NNT: variants seen among roughly 807,000 people sequenced by gnomAD.
The protein encoded by NNT is NAD(P) transhydrogenase, mitochondrial.
Under a neutral mutation model 104.8 loss-of-function variants are expected in NNT, and 50 were observed. The observed-to-expected ratio is 0.48, with a 90% CI of 0.38 to 0.60. The LOEUF is 0.60. Among genes scored for constraint, NNT ranks in the 20% least tolerant of loss-of-function variants. NNT has a pLI of 0.00. For missense variants in NNT, 1,131 were observed against 1,330.7 expected, an observed-to-expected ratio of 0.85 and a Z score of 2.33; for synonymous variants, 461 against 490.4, an observed-to-expected ratio of 0.94 and a Z score of 0.79.
intron 14 of NNT, among the ~76,000 whole-genome samples, chr5:43,654,728 C>A (rs530842633): frequency 6.6e-6 from 1 of 152,284 alleles, no homozygotes; most frequent in South Asian, 2.1e-4. Flanking sequence ...TGCTAGCCAC[C>A]TTTATATCAG....
intron 5 of NNT, among the ~76,000 whole-genome samples, chr5:43,619,999 C>T (rs1353785009): frequency 3.3e-5 from 5 of 152,030 alleles, no homozygotes; most frequent in Non-Finnish European, 5.9e-5. Flanking sequence ...AACTCAGCCC[C>T]CCACTCCCAG....
chr5:43,620,033 G>A (rs1441997516), intron 5 of NNT, among the ~76,000 whole-genome samples: 1 of 152,066 alleles, frequency 6.6e-6, no homozygotes, highest in Non-Finnish European at 1.5e-5. Context: ...CTGTTCATGG[G>A]AGATCCACTC....
chr5:43,697,314 C>A (rs1016741448), intron 19 of NNT, among the ~76,000 whole-genome samples: 25 of 152,246 alleles, frequency 1.6e-4, no homozygotes, highest in African/African-American at 4.8e-4. Context: ...CACCTTTGCC[C>A]CAGTTCCCAA....
At chr5:43,692,663 A>T (rs1052450875) in intron 19 of NNT, among the ~76,000 whole-genome samples, 1 of 152,096 alleles carries the variant, frequency 6.6e-6, no homozygotes, top group Non-Finnish European at 1.5e-5. Context: ...TATTATGATG[A>T]TTGCAAAATG....
At chr5:43,674,778 C>T (rs1190271932) in intron 17 of NNT, among the ~76,000 whole-genome samples, 1 of 152,110 alleles carries the variant, frequency 6.6e-6, no homozygotes, top group African/African-American at 2.4e-5. Context: ...AGTGGCATTC[C>T]TATGGTACAT....
chr5:43,656,409 C>T (rs962752197), intron 15 of NNT, among the ~76,000 whole-genome samples: 1 of 152,170 alleles, frequency 6.6e-6, no homozygotes, highest in Admixed American at 6.5e-5. Context: ...CATCCTTCCC[C>T]TTTATTGATA....
Position 43,653,131 on chromosome 5 carries a change from G to A in NNT, c.1977G>A (p.Leu659=), listed in dbSNP as rs1458911567. 2 of 1,614,090 alleles carry A rather than the reference G, an allele frequency of 1.2e-6. No homozygotes were observed. The highest frequency in any genetic ancestry group is 2.2e-5 in the East Asian group (1 of 44,868). Residue 659 remains leucine, a synonymous_variant, in exon 14 of 22, where the codon CTG becomes CTA. Transcript: ENST00000344920. The part of the protein sequence containing the change: ...ALGMIGVAGG[L]AATLGVLKPG... ...GCATGATTGGGGTTGCTGGAGGACT[G>A]GCAGCCACCCTCGGAGTCCTAAAAC...
At chr5:43,667,120 T>C in intron 17 of NNT, 1 of 1,515,208 alleles carries the variant, frequency 6.6e-7, no homozygotes, top group Non-Finnish European at 9.0e-7. Flanking sequence ...CCTCAGGAAC[T>C]TGGGGTCCAC....
chr5:43,664,566 G>A (rs1204407316), intron 17 of NNT, among the ~76,000 whole-genome samples: 12 of 152,086 alleles, frequency 7.9e-5, no homozygotes, highest in African/African-American at 2.4e-4. Context: ...TCAGAATTAT[G>A]TGAATTAGGA....
At chr5:43,649,070 T>A (rs1580038908) in intron 10 of NNT, 77 bp from the exon 11 acceptor site, 1 of 1,486,202 alleles carries the variant, frequency 6.7e-7, no homozygotes, top group African/African-American at 1.4e-5. Context: ...CTATTCCACA[T>A]ATTTATGTAT....
At chr5:43,673,767 C>T (rs540841083) in intron 17 of NNT, among the ~76,000 whole-genome samples, 1 of 152,170 alleles carries the variant, frequency 6.6e-6, no homozygotes, top group Admixed American at 6.5e-5. Flanking sequence ...TCATGTAATC[C>T]CAGCACTTTG....
intron 19 of NNT, among the ~76,000 whole-genome samples, chr5:43,690,503 A>G (rs1029399049): frequency 6.6e-5 from 10 of 152,190 alleles, no homozygotes; most frequent in Admixed American, 2.0e-4. Context: ...ATTAGGAAAC[A>G]TTTTTGGTGT....
rs372485254 is a variant in NNT, at chr5:43,666,041, C to T, written c.2634+6691C>T. ...CCCCACATCCCAGACGATGGGCGGC[C>T]GGGCAGAGACGCTCCTCACTTCCTA... On this transcript the variant is annotated intron_variant, in intron 17 of 21. Transcript: ENST00000344920. 1.9e-4 allele frequency among the ~76,000 whole-genome samples: 29 copies of T among 151,702 alleles called. 1 individual carries two copies. In the East Asian group the frequency reaches 2.0e-3, roughly 10 times the overall value.
chr5:43,616,089 G>T, intron 4 of NNT, 24 bp downstream of exon 4: 2 of 1,586,704 alleles, frequency 1.3e-6, no homozygotes, highest in South Asian at 2.2e-5. Flanking sequence ...CATTTCAATT[G>T]AACAAAAGCG....
At chr5:43,682,039 C>G (rs986481561) in intron 19 of NNT, among the ~76,000 whole-genome samples, 11 of 152,038 alleles carry the variant, frequency 7.2e-5, no homozygotes, top group Non-Finnish European at 1.5e-4. Context: ...TTTTTATGTA[C>G]TGTCTAAACA....
rs1739704487 is a variant in NNT, at chr5:43,650,565, C to T, written c.1695C>T (p.Phe565=). ...TSQGLAALAA[F]ISSVNIAGGF... is the part of the protein sequence containing the mutation. ...AGGGCCTTGCTGCTCTTGCTGCATT[C>T]ATATCCTCTGTCAACATTGCAGGTA... is the stretch of plus-strand genomic sequence containing the variant. Residue 565 remains phenylalanine, a synonymous_variant, in exon 12 of 22, where the codon TTC becomes TTT. Transcript: ENST00000344920. 1.9e-6 allele frequency: 3 copies of T among 1,613,546 alleles called. No homozygotes were observed. Among genetic ancestry groups the T allele is most frequent in the Non-Finnish European group, 2.5e-6 (3 of 1,179,584 alleles).
chr5:43,654,666 C>T (rs1023449842), intron 14 of NNT, among the ~76,000 whole-genome samples: 1 of 152,176 alleles, frequency 6.6e-6, no homozygotes, highest in Non-Finnish European at 1.5e-5. Flanking sequence ...GTCAATTTGT[C>T]TACATGGAAT....
intron 5 of NNT, among the ~76,000 whole-genome samples, chr5:43,622,292 A>G (rs796656589): frequency 6.6e-5 from 10 of 152,334 alleles, no homozygotes; most frequent in African/African-American, 1.4e-4. Context: ...GGCTTAAACA[A>G]TTGTGCATAG....
intron 21 of NNT, among the ~76,000 whole-genome samples, chr5:43,703,513 A>C (rs1371702674): frequency 6.6e-6 from 1 of 152,216 alleles, no homozygotes; most frequent in Admixed American, 6.5e-5. Context: ...AGAGTGCATT[A>C]CTATACTAAC....
Sources: allele counts gnomAD v4.1 joint callset (sites outside exome capture counted in the v4.1 genomes callset), GRCh38; gene constraint gnomAD v4.1.1; transcripts MANE v1.5; gene names NCBI Gene and HGNC (gene_info 2026-07-23, HGNC 2026-07-21).